Variants in NBAS observed in about 807,000 individuals in gnomAD.
NBAS encodes NAG/BC035112 fusion.
In NBAS, 219 loss-of-function variants were observed where a neutral mutation model predicts 302.5. The observed-to-expected ratio is 0.72, with a 90% confidence interval of 0.65 to 0.81. The LOEUF is 0.81. NBAS is among the 30% of genes least tolerant of loss of function. The pLI is 0.00. For synonymous variants in NBAS, 1,118 were observed against 1,021.6 expected (o/e 1.09, Z -1.80); for missense variants, 2,932 against 2,841.6 (o/e 1.03, Z -0.72).
rs1677547983 is a variant in NBAS, at chr2:15,427,723, T to C, written c.2411A>G (p.Glu804Gly). The C allele has an allele frequency of 3.7e-6, 6 of 1,612,234 alleles. No homozygotes were observed. Among genetic ancestry groups the C allele is most frequent in the Non-Finnish European group, 5.1e-6 (6 of 1,179,188 alleles). Residue 804 changes from glutamate to glycine, a missense_variant, in exon 22 of 52, where the codon GAG becomes GGG. Physicochemically the swap from Glu to Gly is moderately conservative, Grantham distance 98 (BLOSUM62 -2). Transcript: ENST00000281513. ...GGCTCATACTGACCTGCAAGCCAAC[T>C]CCTCGCACCAATCTTTAGCTCGGTG... ...HKHRAKDWCE[E>G]LACRMVVEPN...
At chr2:15,285,952 G>A (rs1463751404) in intron 42 of NBAS, among the ~76,000 whole-genome samples, 2 of 152,148 alleles carry the variant, frequency 1.3e-5, no homozygotes, top group Non-Finnish European at 1.5e-5. Context: ...GAGCCATGGC[G>A]CCTGGCCTCT....
At chr2:15,506,302 A>G (rs1333280697) in intron 10 of NBAS, among the ~76,000 whole-genome samples, 2 of 152,180 alleles carry the variant, frequency 1.3e-5, no homozygotes, top group East Asian at 3.8e-4. Flanking sequence ...AAAAGAACCA[A>G]TGCATACCCA....
At chr2:15,402,936 T>C (rs573448134) in intron 25 of NBAS, among the ~76,000 whole-genome samples, 15 of 152,302 alleles carry the variant, frequency 9.8e-5, no homozygotes, top group African/African-American at 2.6e-4. Flanking sequence ...AAATAACCAA[T>C]TGATTTTTTT....
intron 38 of NBAS, among the ~76,000 whole-genome samples, chr2:15,318,505 T>C (rs1671626284): frequency 6.6e-6 from 1 of 152,086 alleles, no homozygotes; most frequent in African/African-American, 2.4e-5. Context: ...GAGACCCATC[T>C]CACGTGTAGA....
intron 40 of NBAS, among the ~76,000 whole-genome samples, chr2:15,294,966 C>T (rs377412628): frequency 2.0e-5 from 3 of 152,230 alleles, no homozygotes; most frequent in Non-Finnish European, 4.4e-5. Context: ...CTGCGTATAA[C>T]TCCATGTCCC....
the NBAS span, among the ~76,000 whole-genome samples, chr2:14,998,019 T>A: frequency 2.0e-5 from 3 of 152,212 alleles, no homozygotes; most frequent in Admixed American, 6.5e-5. Context: ...CTCTGGTTGA[T>A]GGTCTATTCT....
chr2:15,275,375 CAT>C (rs1487596403), intron 44 of NBAS, 107 bp downstream of exon 44: 1 of 1,274,244 alleles, frequency 7.8e-7, no homozygotes, highest in Non-Finnish European at 1.1e-6. Flanking sequence ...AAAAAGCCAA[CAT>C]GTAATTATTT....
At chr2:15,199,471 A>G (rs1443607384) in intron 48 of NBAS, among the ~76,000 whole-genome samples, 1 of 152,242 alleles carries the variant, frequency 6.6e-6, no homozygotes, top group Non-Finnish European at 1.5e-5. Flanking sequence ...TATATTTCAT[A>G]AAGTATGAGG....
At chr2:15,098,024 AAT>A in the NBAS span, among the ~76,000 whole-genome samples, 25 of 28,110 alleles carry the variant, frequency 8.9e-4, no homozygotes, top group African/African-American at 4.9e-3. Context: ...TATTGTATAT[AAT>A]ATATATATTA....
At chr2:15,091,913 A>G in the NBAS span, among the ~76,000 whole-genome samples, 1 of 152,244 alleles carries the variant, frequency 6.6e-6, no homozygotes, top group East Asian at 1.9e-4. Flanking sequence ...CATGTAACAT[A>G]CAACATACGT....
In NBAS at chr2:15,370,467, AT is replaced by A. The variant is rs1395842841; in HGVS notation, c.3704-3775del. On this transcript the variant is annotated intron_variant, in intron 31 of 51. Transcript: ENST00000281513. ...ACCACCAAGCCTGGCTAATTTTTTA[AT>A]TTTTTAAAAAATAGAGACGGGTTTT... Among the ~76,000 whole-genome samples the A allele has an allele frequency of 1.1e-4, 17 of 152,164 alleles. No individual in the cohort carries two copies. The East Asian group carries it at 3.3e-3, about 29-fold the overall frequency.
the NBAS span, among the ~76,000 whole-genome samples, chr2:14,812,885 G>C: frequency 1.3e-5 from 2 of 152,116 alleles, no homozygotes; most frequent in Non-Finnish European, 2.9e-5. Flanking sequence ...TTGGATCATG[G>C]GGGTGGTTTC....
intron 25 of NBAS, among the ~76,000 whole-genome samples, chr2:15,402,527 G>A (rs369659755): frequency 9.1e-4 from 139 of 151,924 alleles, no homozygotes; most frequent in African/African-American, 3.3e-3. Context: ...CATAAGCTAT[G>A]TATCAGCTGA....
the NBAS span, among the ~76,000 whole-genome samples, chr2:15,101,538 T>C: frequency 2.6e-5 from 4 of 152,050 alleles, no homozygotes; most frequent in South Asian, 8.3e-4. Context: ...AATAAACATA[T>C]AGTTTTAAAA....
the NBAS span, among the ~76,000 whole-genome samples, chr2:14,784,231 G>A: frequency 6.6e-6 from 1 of 152,150 alleles, no homozygotes; most frequent in African/African-American, 2.4e-5. Context: ...TTTGTCAGAT[G>A]AGTAGGTTGT....
the NBAS span, among the ~76,000 whole-genome samples, chr2:15,003,202 G>A: frequency 6.6e-6 from 1 of 152,222 alleles, no homozygotes; most frequent in Non-Finnish European, 1.5e-5. Context: ...TTTCTTCTGG[G>A]CTTTTAGGAC....
chr2:14,986,010 C>T, the NBAS span, among the ~76,000 whole-genome samples: 1 of 152,162 alleles, frequency 6.6e-6, no homozygotes, highest in Non-Finnish European at 1.5e-5. Context: ...GCCAGAGCCA[C>T]ATGAGTAGTT....
intron 38 of NBAS, among the ~76,000 whole-genome samples, chr2:15,311,552 C>T (rs1346400620): frequency 6.6e-6 from 1 of 152,186 alleles, no homozygotes; most frequent in African/African-American, 2.4e-5. Context: ...TTAGATAAAT[C>T]ATAATTATTA....
At chr2:15,434,838 T>C (rs1188913553) in intron 21 of NBAS, among the ~76,000 whole-genome samples, 1 of 152,184 alleles carries the variant, frequency 6.6e-6, no homozygotes, top group Non-Finnish European at 1.5e-5. Context: ...ATAATCCTTA[T>C]ACAGGGGAGA....
Sources: allele counts gnomAD v4.1 joint callset (sites outside exome capture counted in the v4.1 genomes callset), GRCh38; gene constraint gnomAD v4.1.1; transcripts MANE v1.5; gene names NCBI Gene and HGNC (gene_info 2026-07-23, HGNC 2026-07-21).